IL1RAPL2: variants seen among roughly 807,000 people sequenced by gnomAD.
The protein encoded by IL1RAPL2 is X-linked interleukin-1 receptor accessory protein-like 2.
A neutral mutation model predicts 44.1 loss-of-function variants in IL1RAPL2; 3 were observed. The ratio of observed to expected loss-of-function variants is 0.07; its 90% CI spans 0.03 to 0.18. The LOEUF (loss-of-function observed/expected upper bound fraction) is 0.18, where lower values mean the gene tolerates loss of function less well. Ranked by LOEUF, IL1RAPL2 falls within the 10% of genes least tolerant of loss-of-function variation. IL1RAPL2 has a pLI of 1.00. For missense variants in IL1RAPL2, 391 were observed against 496.4 expected (o/e 0.79, Z 2.02); for synonymous variants, 181 against 178.8 (o/e 1.01, Z -0.10).
intron 2 of IL1RAPL2, among the ~76,000 whole-genome samples, chrX:105,031,766 G>C (rs1383849345): frequency 9.0e-6 from 1 of 111,447 alleles, no homozygotes; most frequent in African/African-American, 3.3e-5. Flanking sequence ...CATAAAATGA[G>C]TAAGGGAGGA....
chrX:105,174,868 A>G (rs149065552), intron 2 of IL1RAPL2, among the ~76,000 whole-genome samples: 1,468 of 111,723 alleles, frequency 0.013, 28 homozygotes, highest in African/African-American at 0.046. Flanking sequence ...TGATATAACA[A>G]TAAGATCGCT....
chrX:105,371,132 A>G lies in IL1RAPL2; in HGVS notation c.697+103591A>G, dbSNP rs139285446. On this transcript the variant is annotated intron_variant, in intron 5 of 10. Coordinates refer to ENST00000372582, the MANE Select transcript of IL1RAPL2 (RefSeq NM_017416.2). ...GTTCTTTATAGATTCTGGACATTAG[A>G]CCTTTGTCAGATGCACAGTTTGCAA... Among the ~76,000 whole-genome samples the G allele has an allele frequency of 6.4e-3, 712 of 111,888 alleles. 4 individuals carry two copies. Among genetic ancestry groups the G allele is most frequent in the African/African-American group, 0.023 (698 of 30,859 alleles).
intron 2 of IL1RAPL2, among the ~76,000 whole-genome samples, chrX:104,686,343 A>T (rs1930987086): frequency 8.9e-6 from 1 of 112,468 alleles, no homozygotes; most frequent in South Asian, 3.7e-4. Context: ...CCGAGTGTAC[A>T]TACAAATACT....
intron 2 of IL1RAPL2, among the ~76,000 whole-genome samples, chrX:105,168,102 T>C (rs1427259975): frequency 1.8e-5 from 2 of 111,776 alleles, no homozygotes; most frequent in Non-Finnish European, 3.8e-5. Flanking sequence ...TTAACAACCA[T>C]TATGTCAGAG....
intron 2 of IL1RAPL2, among the ~76,000 whole-genome samples, chrX:104,918,874 T>C (rs1924542360): frequency 8.9e-6 from 1 of 111,839 alleles, no homozygotes; most frequent in Non-Finnish European, 1.9e-5. Context: ...AAAGCCTTGA[T>C]GTCCTTTGAA....
chrX:105,070,730 T>C (rs1160252379), intron 2 of IL1RAPL2, among the ~76,000 whole-genome samples: 1 of 90,426 alleles, frequency 1.1e-5, no homozygotes, highest in African/African-American at 5.4e-5. Flanking sequence ...TATATATTTA[T>C]GTGTGTGTGT....
chrX:105,200,975 C>A (rs1386820269), intron 3 of IL1RAPL2, among the ~76,000 whole-genome samples: 2 of 111,031 alleles, frequency 1.8e-5, no homozygotes, highest in Non-Finnish European at 3.8e-5. Flanking sequence ...AAAAACCTAA[C>A]ATTTAGGGAT....
At chrX:105,005,009 C>T (rs939292831) in intron 2 of IL1RAPL2, among the ~76,000 whole-genome samples, 5 of 111,123 alleles carry the variant, frequency 4.5e-5, no homozygotes, top group Non-Finnish European at 7.6e-5. Context: ...AAATCCCCCA[C>T]GTATGTTCTA....
intron 2 of IL1RAPL2, among the ~76,000 whole-genome samples, chrX:104,671,808 T>G (rs1003481902): frequency 8.1e-5 from 9 of 111,794 alleles, no homozygotes; most frequent in African/African-American, 2.6e-4. Context: ...CTTGAAAAAC[T>G]GAGTATGCCA....
chrX:105,127,325 C>A (rs1031331433), intron 2 of IL1RAPL2, among the ~76,000 whole-genome samples: 1 of 111,226 alleles, frequency 9.0e-6, no homozygotes, highest in East Asian at 2.8e-4. Flanking sequence ...GCTACCTCCC[C>A]AAAGGCTGTC....
At chrX:105,651,643 A>G (rs1487731115) in intron 6 of IL1RAPL2, among the ~76,000 whole-genome samples, 1 of 111,647 alleles carries the variant, frequency 9.0e-6, no homozygotes, top group Non-Finnish European at 1.9e-5. Context: ...TGGGGTTTCA[A>G]TTTCTGTTAT....
intron 2 of IL1RAPL2, among the ~76,000 whole-genome samples, chrX:104,836,425 T>G (rs1446852866): frequency 9.0e-6 from 1 of 110,958 alleles, no homozygotes; most frequent in Non-Finnish European, 1.9e-5. Context: ...AATTGGATTG[T>G]TTGAAACACA....
intron 2 of IL1RAPL2, among the ~76,000 whole-genome samples, chrX:105,003,520 C>T (rs765470043): frequency 2.4e-4 from 27 of 110,872 alleles, no homozygotes; most frequent in African/African-American, 3.9e-4. Flanking sequence ...CTCCCCCTCC[C>T]GAAACCGAGG....
intron 2 of IL1RAPL2, among the ~76,000 whole-genome samples, chrX:104,785,606 C>T (rs1932794330): frequency 9.0e-6 from 1 of 111,226 alleles, no homozygotes; most frequent in Non-Finnish European, 1.9e-5. Context: ...TTTTGCAGTC[C>T]TAACTCCTTT....
intron 2 of IL1RAPL2, among the ~76,000 whole-genome samples, chrX:104,775,583 ACT>A (rs755379766): frequency 1.4e-4 from 16 of 111,488 alleles, no homozygotes; most frequent in South Asian, 3.7e-4. Context: ...TAGATTATGA[ACT>A]CTCTGGTGAG....
In IL1RAPL2 at chrX:105,609,035, A is replaced by T. The variant is rs762188697; in HGVS notation, c.773-108332A>T. 2.7e-5 allele frequency among the ~76,000 whole-genome samples: 3 copies of T among 111,172 alleles called. No homozygotes were observed. In the East Asian group the frequency reaches 8.5e-4, roughly 31 times the overall value. ...CCCCTGAAACATGGGAGAATTTCAC[A>T]CCCCTTGTGCCATAATCTCTTTGTG... On this transcript the variant is annotated intron_variant, in intron 6 of 10. Coordinates refer to ENST00000372582, the MANE Select transcript of IL1RAPL2 (RefSeq NM_017416.2).
chrX:105,764,373 T>C (rs1315541425), intron 10 of IL1RAPL2, among the ~76,000 whole-genome samples: 1 of 112,053 alleles, frequency 8.9e-6, no homozygotes, highest in African/African-American at 3.2e-5. Flanking sequence ...ACCCTGTTCC[T>C]TTCCTCATCC....
intron 5 of IL1RAPL2, among the ~76,000 whole-genome samples, chrX:105,471,074 G>C (rs978988723): frequency 8.9e-6 from 1 of 112,176 alleles, no homozygotes; most frequent in Non-Finnish European, 1.9e-5. Flanking sequence ...TATACAGCTC[G>C]ATGTTCTCTT....
chrX:104,878,507 A>G (rs1280502708), intron 2 of IL1RAPL2, among the ~76,000 whole-genome samples: 2 of 112,205 alleles, frequency 1.8e-5, no homozygotes, highest in Admixed American at 9.5e-5. Flanking sequence ...TGTCTACTCT[A>G]TTAGCTTTGC....
Sources: gnomAD v4.1 joint callset for allele counts (sites outside exome capture counted in the v4.1 genomes callset) on GRCh38, gnomAD v4.1.1 for gene constraint, MANE v1.5 for transcripts, NCBI Gene and HGNC (gene_info 2026-07-23, HGNC 2026-07-21) for gene names.